USP32: variants seen among roughly 807,000 people sequenced by gnomAD.
The protein encoded by USP32 is ubiquitin specific peptidase 32.
USP32 carries 59 observed loss-of-function variants against 204.8 expected under a neutral mutation model. The observed-to-expected ratio is 0.29, with a 90% CI of 0.23 to 0.36. USP32 has a LOEUF of 0.36. USP32 is among the 10% of genes least tolerant of loss of function. The probability of loss-of-function intolerance (pLI) is 1.00; values close to 1 mark genes in which losing one functional copy is unlikely to be tolerated. For missense variants in USP32, 1,160 were observed against 1,946.4 expected (o/e 0.60, Z 7.60); for synonymous variants, 517 against 678.4 (o/e 0.76, Z 3.70).
chr17:60,338,076 T>C (rs1194114846), intron 2 of USP32, among the ~76,000 whole-genome samples: 2 of 152,020 alleles, frequency 1.3e-5, no homozygotes, highest in African/African-American at 4.8e-5. Context: ...TGTAATCCAG[T>C]CCCCTGGGAG....
intron 2 of USP32, among the ~76,000 whole-genome samples, chr17:60,344,764 T>C (rs1018902644): frequency 6.6e-6 from 1 of 152,260 alleles, no homozygotes; most frequent in Non-Finnish European, 1.5e-5. Context: ...CAATAAATTT[T>C]ATTCTTATTT....
intron 27 of USP32, among the ~76,000 whole-genome samples, chr17:60,197,139 C>G (rs2084541258): frequency 6.6e-6 from 1 of 151,416 alleles, no homozygotes; most frequent in Non-Finnish European, 1.5e-5. Context: ...AAAATCACAC[C>G]ACTGTACTCC....
At chr17:60,402,435 G>A (rs1468158658) in intron 1 of USP32, among the ~76,000 whole-genome samples, 1 of 151,808 alleles carries the variant, frequency 6.6e-6, no homozygotes, top group African/African-American at 2.4e-5. Context: ...ATTTTTTGTA[G>A]AGACAGGGCT....
intron 3 of USP32, among the ~76,000 whole-genome samples, chr17:60,297,393 CTCAA>C (rs375707036): frequency 6.6e-6 from 1 of 151,944 alleles, no homozygotes; most frequent in Non-Finnish European, 1.5e-5. Context: ...AAAACCCTGT[CTCAA>C]TCAATCAATC....
chr17:60,366,529 GT>G (rs1409509671), intron 1 of USP32, among the ~76,000 whole-genome samples: 1 of 152,114 alleles, frequency 6.6e-6, no homozygotes, highest in African/African-American at 2.4e-5. Flanking sequence ...GCCTACCAAA[GT>G]GCTAGGGTTA....
At chr17:60,377,575 T>C (rs990497820) in intron 1 of USP32, among the ~76,000 whole-genome samples, 1 of 152,220 alleles carries the variant, frequency 6.6e-6, no homozygotes, top group Admixed American at 6.5e-5. Context: ...TCTGTGTACA[T>C]GCTTACAATA....
intron 1 of USP32, among the ~76,000 whole-genome samples, chr17:60,373,537 G>A (rs928269717): frequency 7.1e-6 from 1 of 140,254 alleles, no homozygotes; most frequent in African/African-American, 3.2e-5. Flanking sequence ...TGCACCTCCT[G>A]GGTTCAAGCA....
intron 4 of USP32, 59 bp from the exon 5 acceptor site, chr17:60,288,741 C>G: frequency 6.9e-7 from 1 of 1,441,522 alleles, no homozygotes; most frequent in South Asian, 1.3e-5. Flanking sequence ...TTACTTGGAA[C>G]CTGCACAACC....
chr17:60,189,303 C>T (rs1451454559), intron 29 of USP32, among the ~76,000 whole-genome samples: 1 of 152,164 alleles, frequency 6.6e-6, no homozygotes, highest in Non-Finnish European at 1.5e-5. Context: ...ATTTTGGGAT[C>T]TAAATAAGAA....
chr17:60,288,961 T>C (rs569176386), intron 4 of USP32, among the ~76,000 whole-genome samples: 3 of 152,342 alleles, frequency 2.0e-5, no homozygotes, highest in African/African-American at 4.8e-5. Flanking sequence ...AGCCAGATTT[T>C]GTTTGCTAAG....
Position 60,391,981 on chromosome 17 carries a change from G to GCC in USP32, c.-44_-43dup. On this transcript the variant is annotated 5_prime_UTR_variant, in exon 1 of 34. Transcript: ENST00000300896. ...CGGCGGGGGGTCGGAGCCTGATCTC[G>GCC]CCCCCACCCCCCTCCCGCCTTCTCC... 1.3e-6 allele frequency: 2 copies of GCC among 1,585,548 alleles called. No individual in the cohort carries two copies. The highest frequency in any genetic ancestry group is 1.7e-6 in the Non-Finnish European group (2 of 1,165,568).
At chr17:60,310,930 T>C (rs1195384996) in intron 2 of USP32, among the ~76,000 whole-genome samples, 1 of 152,058 alleles carries the variant, frequency 6.6e-6, no homozygotes, top group African/African-American at 2.4e-5. Context: ...CTCACTCATA[T>C]GTAGGAGCTA....
intron 11 of USP32, among the ~76,000 whole-genome samples, chr17:60,236,589 A>G (rs770805905): frequency 6.6e-6 from 1 of 152,228 alleles, no homozygotes; most frequent in Non-Finnish European, 1.5e-5. Flanking sequence ...TTATTGAGGA[A>G]TAATTTACAT....
chr17:60,192,204 T>C (rs978078565), intron 28 of USP32, among the ~76,000 whole-genome samples: 4 of 151,862 alleles, frequency 2.6e-5, no homozygotes, highest in African/African-American at 4.8e-5. Context: ...GGCAGGAGAA[T>C]TGCTTGAACC....
intron 4 of USP32, among the ~76,000 whole-genome samples, chr17:60,290,172 A>T (rs1183033895): frequency 3.3e-5 from 5 of 152,100 alleles, no homozygotes; most frequent in Non-Finnish European, 7.4e-5. Context: ...TGCTGCAACT[A>T]ATTTTGCCCA....
At chr17:60,180,811 A>G (rs1294989306) in intron 32 of USP32, among the ~76,000 whole-genome samples, 174 bp from the exon 33 acceptor site, 1 of 152,018 alleles carries the variant, frequency 6.6e-6, no homozygotes, top group Non-Finnish European at 1.5e-5. Flanking sequence ...GCAAAATACA[A>G]AAGTCATAAG....
Position 60,216,573 on chromosome 17 carries a change from G to A in USP32, c.1868-1799C>T, listed in dbSNP as rs1261220114. ...TCTACTTTTTTAGAACTTCAGAAAA[G>A]GAATTCCCTCACCTAAGGCAGGCTA... On this transcript the variant is annotated intron_variant, in intron 16 of 33. Transcript: ENST00000300896. Among the ~76,000 whole-genome samples, 3 of 152,342 alleles carry A rather than the reference G, an allele frequency of 2.0e-5. No homozygotes were observed. The East Asian group carries it at 5.8e-4, about 29-fold the overall frequency.
chr17:60,269,369 CCA>C (rs2086673051), intron 7 of USP32, 79 bp downstream of exon 7: 1 of 1,052,818 alleles, frequency 9.5e-7, no homozygotes, highest in African/African-American at 1.6e-5. Flanking sequence ...AAGCCTTAAT[CCA>C]CAGATAATTT....
intron 27 of USP32, among the ~76,000 whole-genome samples, chr17:60,196,137 T>G (rs1293098431): frequency 1.3e-5 from 2 of 151,916 alleles, no homozygotes; most frequent in Admixed American, 1.3e-4. Flanking sequence ...TGTGGTGGCA[T>G]GCACCTGTAC....
Sources: allele counts gnomAD v4.1 joint callset (sites outside exome capture counted in the v4.1 genomes callset), GRCh38; gene constraint gnomAD v4.1.1; transcripts MANE v1.5; gene names NCBI Gene and HGNC (gene_info 2026-07-23, HGNC 2026-07-21).